The following NRXN3 variants were observed in gnomAD, a reference collection of about 807,000 sequenced individuals.
NRXN3 encodes neurexin III.
Under a neutral mutation model 137.6 loss-of-function variants are expected in NRXN3, and 32 were observed. That is an observed-to-expected ratio of 0.23 (90% CI 0.18 to 0.31). The LOEUF (loss-of-function observed/expected upper bound fraction) is 0.31, where lower values mean the gene tolerates loss of function less well. NRXN3 is among the 10% of genes least tolerant of loss of function. The probability of loss-of-function intolerance (pLI) is 1.00; values close to 1 mark genes in which losing one functional copy is unlikely to be tolerated. For missense variants in NRXN3, 1,574 were observed against 2,062.5 expected (o/e 0.76, Z 4.59); for synonymous variants, 798 against 784.5 (o/e 1.02, Z -0.29).
At position 79,175,932 on chromosome 14, in the gene NRXN3, A is replaced by G. The variant is rs184315728; in HGVS notation, c.3262+187791A>G. Reference sequence around the variant, plus strand: ...TTGTGGCATGCACAGAGCATGCACGACTCTGTAGTAGCGCTCTAGGCAAGC... The same window carrying G: ...TTGTGGCATGCACAGAGCATGCACGGCTCTGTAGTAGCGCTCTAGGCAAGC... On this transcript the variant is annotated intron_variant, in intron 15 of 20. Coordinates refer to ENST00000335750, the MANE Select transcript of NRXN3 (RefSeq NM_001330195.2). Among the ~76,000 whole-genome samples the G allele has an allele frequency of 5.3e-5, 8 of 152,280 alleles. No individual in the cohort carries two copies. The East Asian group carries it at 1.5e-3, about 29-fold the overall frequency.
At chr14:78,461,033 C>T (rs966050629) in intron 4 of NRXN3, among the ~76,000 whole-genome samples, 4 of 152,136 alleles carry the variant, frequency 2.6e-5, no homozygotes, top group African/African-American at 9.7e-5. Flanking sequence ...TTCAAAGAAA[C>T]GTTTTTATAT....
chr14:79,247,146 A>G (rs1383517411), intron 15 of NRXN3: 1 of 152,206 alleles, frequency 6.6e-6, no homozygotes, highest in Non-Finnish European at 1.5e-5. Flanking sequence ...GATGTGTTAC[A>G]TAATACTATT....
chr14:78,624,739 C>T (rs1055106426), intron 4 of NRXN3, among the ~76,000 whole-genome samples: 1 of 152,154 alleles, frequency 6.6e-6, no homozygotes, highest in Non-Finnish European at 1.5e-5. Flanking sequence ...GGGGTGGGAG[C>T]CCTGGCTCTG....
chr14:78,488,774 A>C lies in NRXN3; in HGVS notation c.758-156346A>C, dbSNP rs973809696. ...GAAAGGAGGAGGAGGATGAAGAAGAAGAAAGGGGAGGGGGAGGAGAAGGGA... is the reference window on the plus strand; with the variant it reads ...GAAAGGAGGAGGAGGATGAAGAAGACGAAAGGGGAGGGGGAGGAGAAGGGA... On this transcript the variant is annotated intron_variant, in intron 4 of 20. Coordinates refer to ENST00000335750, the MANE Select transcript of NRXN3 (RefSeq NM_001330195.2). Among the ~76,000 whole-genome samples, 2 of 147,334 alleles carry C rather than the reference A, an allele frequency of 1.4e-5. 1 individual carries two copies. Among genetic ancestry groups the C allele is most frequent in the Admixed American group, 1.4e-4 (2 of 14,730 alleles).
At chr14:79,422,697 CTTTT>C (rs1185262366) in intron 15 of NRXN3, among the ~76,000 whole-genome samples, 1 of 130,148 alleles carries the variant, frequency 7.7e-6, no homozygotes, top group Non-Finnish European at 1.6e-5. Flanking sequence ...GTTCCACATT[CTTTT>C]TTTTTTTTTT....
At chr14:79,677,836 A>G (rs574720823) in intron 17 of NRXN3, among the ~76,000 whole-genome samples, 83 of 152,244 alleles carry the variant, frequency 5.5e-4, no homozygotes, top group African/African-American at 1.9e-3. Context: ...TTCCATTTCC[A>G]GTAGTTGTAT....
intron 1 of NRXN3, among the ~76,000 whole-genome samples, chr14:78,228,910 C>A (rs1037308161): frequency 1.3e-5 from 2 of 152,148 alleles, no homozygotes; most frequent in African/African-American, 4.8e-5. Flanking sequence ...ACTGATGGTT[C>A]CCTCATGCTC....
intron 10 of NRXN3, among the ~76,000 whole-genome samples, chr14:78,905,019 T>A (rs1345627216): frequency 1.3e-5 from 2 of 152,048 alleles, no homozygotes. Flanking sequence ...CTGAACTAAC[T>A]CTTTGGCCAT....
chr14:79,572,753 T>C (rs1056771514), intron 16 of NRXN3: 2 of 152,166 alleles, frequency 1.3e-5, no homozygotes, highest in African/African-American at 4.8e-5. Flanking sequence ...TAATATGTAA[T>C]GGATGTCATA....
chr14:79,006,247 T>C (rs1253392975), intron 15 of NRXN3, among the ~76,000 whole-genome samples: 1 of 152,156 alleles, frequency 6.6e-6, no homozygotes, highest in African/African-American at 2.4e-5. Flanking sequence ...ATAGTGCAGA[T>C]TCAATGAATA....
chr14:79,317,817 T>C (rs1230009096), intron 15 of NRXN3, among the ~76,000 whole-genome samples: 1 of 152,214 alleles, frequency 6.6e-6, no homozygotes, highest in Non-Finnish European at 1.5e-5. Flanking sequence ...GCACATTTAG[T>C]GTATAAATAT....
At chr14:79,121,937 TTTTG>T (rs554447646) in intron 15 of NRXN3, among the ~76,000 whole-genome samples, 33 of 152,324 alleles carry the variant, frequency 2.2e-4, no homozygotes, top group African/African-American at 7.7e-4. Flanking sequence ...TTTAGTATTT[TTTTG>T]TTTGTTTGTT....
intron 7 of NRXN3, among the ~76,000 whole-genome samples, chr14:78,712,435 T>C (rs2098413561): frequency 6.6e-6 from 1 of 152,230 alleles, no homozygotes; most frequent in African/African-American, 2.4e-5. Flanking sequence ...GCAAAGCATA[T>C]TTCTCTAGGA....
At chr14:78,564,955 C>G (rs2096823918) in intron 4 of NRXN3, among the ~76,000 whole-genome samples, 1 of 152,188 alleles carries the variant, frequency 6.6e-6, no homozygotes, top group African/African-American at 2.4e-5. Flanking sequence ...GTGCCGTTCC[C>G]TCTCTGAATT....
At chr14:79,756,059 A>G (rs1021873787) in intron 19 of NRXN3, among the ~76,000 whole-genome samples, 3 of 152,106 alleles carry the variant, frequency 2.0e-5, no homozygotes, top group Non-Finnish European at 2.9e-5. Context: ...TCTTGTAGGG[A>G]CTTTAATAGC....
intron 16 of NRXN3, among the ~76,000 whole-genome samples, chr14:79,517,195 T>C (rs892331530): frequency 6.6e-6 from 1 of 151,524 alleles, no homozygotes; most frequent in African/African-American, 2.4e-5. Context: ...AAAATGGAAT[T>C]TCAGTGTAGT....
chr14:79,765,048 A>G (rs908837434), intron 19 of NRXN3, among the ~76,000 whole-genome samples: 3 of 152,156 alleles, frequency 2.0e-5, no homozygotes, highest in African/African-American at 7.2e-5. Flanking sequence ...ATCCATGCAC[A>G]TTCATGCACA....
chr14:79,256,832 A>G (rs2076643707), intron 15 of NRXN3, among the ~76,000 whole-genome samples: 1 of 152,078 alleles, frequency 6.6e-6, no homozygotes. Context: ...GAGTAGGCAG[A>G]CCTCTGTTAA....
intron 15 of NRXN3, among the ~76,000 whole-genome samples, chr14:79,001,229 G>T (rs1015299884): frequency 2.0e-5 from 3 of 152,116 alleles, no homozygotes; most frequent in African/African-American, 7.2e-5. Context: ...GACAGTCTTT[G>T]AGCTCTCCAT....
Sources: gnomAD v4.1 joint callset for allele counts (sites outside exome capture counted in the v4.1 genomes callset) on GRCh38, gnomAD v4.1.1 for gene constraint, MANE v1.5 for transcripts, NCBI Gene and HGNC (gene_info 2026-07-23, HGNC 2026-07-21) for gene names.